CAPRIN1: variants seen among roughly 807,000 people sequenced by gnomAD.
CAPRIN1 encodes the protein cell cycle associated protein 1.
In CAPRIN1, 29 loss-of-function variants were observed where a neutral mutation model predicts 100.9. That is an observed-to-expected ratio of 0.29 (90% CI 0.21 to 0.39). The LOEUF is 0.39. Among genes scored for constraint, CAPRIN1 ranks in the 10% least tolerant of loss-of-function variants. CAPRIN1 has a pLI of 1.00. For missense variants in CAPRIN1, 795 were observed against 876.7 expected, an observed-to-expected ratio of 0.91 and a Z score of 1.18; for synonymous variants, 338 against 307.5, an observed-to-expected ratio of 1.10 and a Z score of -1.04.
In CAPRIN1 at chr11:34,079,910, T is replaced by TTGTTTTTTG. The variant is rs1352102221; in HGVS notation, c.826+146_826+147insGTTTTTTGT. On this transcript the variant is annotated intron_variant, in intron 7 of 18. Transcript: ENST00000341394. ...GAGACTTTAAGCATGACAAAGTTTT[T>TTGTTTTTTG]TTTTTTTTTTTTTTTTTTTTTTTTT... 8 of 1,580 alleles carry TTGTTTTTTG rather than the reference T, an allele frequency of 5.1e-3. 1 individual carries two copies. In the African/African-American group the frequency reaches 0.051, roughly 10 times the overall value. The allele number at this position is 1,580 out of a possible 1,614,324, so 0.1% of individuals were successfully genotyped here. A position where few individuals can be genotyped will look rare whatever the true frequency, so the allele number is the denominator to read the frequency against.
intron 9 of CAPRIN1, among the ~76,000 whole-genome samples, chr11:34,085,187 G>A (rs1281168754): frequency 6.6e-6 from 1 of 152,164 alleles, no homozygotes; most frequent in Non-Finnish European, 1.5e-5. Context: ...TTGCAGAGCA[G>A]GGAATTACTA....
chr11:34,097,067 G>A (rs1851381802), intron 16 of CAPRIN1, 129 bp from the exon 17 acceptor site: 1 of 675,580 alleles, frequency 1.5e-6, no homozygotes, highest in Non-Finnish European at 2.5e-6. Flanking sequence ...ATCAAGATAG[G>A]AAATTGGAGA....
intron 16 of CAPRIN1, 151 bp downstream of exon 16, chr11:34,096,824 T>C: frequency 1.6e-6 from 1 of 619,684 alleles, no homozygotes; most frequent in Non-Finnish European, 2.7e-6. Flanking sequence ...GTACAATTTG[T>C]GTATTTGGTA....
At chr11:34,082,699 T>TA in intron 7 of CAPRIN1, 126 bp from the exon 8 acceptor site, 2 of 695,940 alleles carry the variant, frequency 2.9e-6, no homozygotes, top group Non-Finnish European at 2.5e-6. Context: ...GGTTTACTCT[T>TA]ATTGTTAATA....
At chr11:34,073,595 C>T (rs59650719) in intron 4 of CAPRIN1, among the ~76,000 whole-genome samples, 15,468 of 151,854 alleles carry the variant, frequency 0.1, 860 homozygotes, top group African/African-American at 0.15. Context: ...GTCTAATTTT[C>T]TAATTTTTAG....
At chr11:34,053,691 T>A (rs1240168642) in intron 2 of CAPRIN1, 1 of 152,192 alleles carries the variant, frequency 6.6e-6, no homozygotes, top group Non-Finnish European at 1.5e-5. Flanking sequence ...CATCTGCAAG[T>A]CAGCCTTTTG....
intron 7 of CAPRIN1, among the ~76,000 whole-genome samples, chr11:34,081,686 CAG>C (rs1339105124): frequency 6.6e-6 from 1 of 151,696 alleles, no homozygotes; most frequent in Non-Finnish European, 1.5e-5. Flanking sequence ...TTAGTAGAGA[CAG>C]GGTTTCACCA....
intron 18 of CAPRIN1, chr11:34,098,392 T>G: frequency 1.0e-6 from 1 of 985,386 alleles, no homozygotes; most frequent in Non-Finnish European, 1.2e-6. Context: ...GTTTTTCTTT[T>G]ACTGTTGGAA....
rs975556275 is a variant in CAPRIN1, at chr11:34,099,583, G to A, written c.*216G>A. ...TTACTCTGCATGTTCTGTCCTAAGC[G>A]TCATCTTGAGCCTTGCACATGATAC... On this transcript the variant is annotated 3_prime_UTR_variant, in exon 19 of 19. Transcript: ENST00000341394. The A allele has an allele frequency of 2.9e-5, 16 of 559,906 alleles. No homozygotes were observed. Among genetic ancestry groups the A allele is most frequent in the Middle Eastern group, 4.7e-4 (1 of 2,124 alleles). 34.7% of individuals were successfully genotyped at this position (559,906 alleles called of 1,614,324 possible).
At chr11:34,063,413 T>C (rs1220312433) in intron 2 of CAPRIN1, 1 of 152,240 alleles carries the variant, frequency 6.6e-6, no homozygotes, top group Non-Finnish European at 1.5e-5. Flanking sequence ...GAAATATGAT[T>C]GATAGTAATG....
Position 34,102,014 on chromosome 11 carries a change from CTAA to C in CAPRIN1, c.*2652_*2654del, listed in dbSNP as rs1851461721. Among the ~76,000 whole-genome samples, 1 of 152,070 alleles carries C rather than the reference CTAA, an allele frequency of 6.6e-6. No individual in the cohort carries two copies. Among genetic ancestry groups the C allele is most frequent in the Non-Finnish European group, 1.5e-5 (1 of 67,990 alleles). ...ATTAGGGCAGTTTTATTTCCAGATCCTAATAATTCCTAAAAAATATGGAAAAGT... is the reference window on the plus strand; with the variant it reads ...ATTAGGGCAGTTTTATTTCCAGATCCTAATTCCTAAAAAATATGGAAAAGT... On this transcript the variant is annotated 3_prime_UTR_variant, in exon 19 of 19. Coordinates refer to ENST00000341394, the MANE Select transcript of CAPRIN1 (RefSeq NM_005898.5).
At chr11:34,093,766 AGCACAGGCCACCATGCCT>A (rs1301177374) in intron 15 of CAPRIN1, among the ~76,000 whole-genome samples, 1 of 149,310 alleles carries the variant, frequency 6.7e-6, no homozygotes, top group Non-Finnish European at 1.5e-5. Context: ...TCTCCCAAGT[AGCACAGGCCACCATGCCT>A]GGCTAATTTT....
chr11:34,089,597 T>G, intron 12 of CAPRIN1, 141 bp downstream of exon 12: 1 of 398,776 alleles, frequency 2.5e-6, no homozygotes. Flanking sequence ...CGAGACACCA[T>G]CTCTATTTTA....
intron 2 of CAPRIN1, chr11:34,056,601 A>G (rs1432101729): frequency 6.8e-6 from 1 of 147,492 alleles, no homozygotes; most frequent in Non-Finnish European, 1.5e-5. Context: ...TTAACTGCCT[A>G]GTTTTCTTTA....
At chr11:34,068,098 G>C (rs565745704) in intron 2 of CAPRIN1, among the ~76,000 whole-genome samples, 12 of 152,304 alleles carry the variant, frequency 7.9e-5, no homozygotes, top group African/African-American at 2.9e-4. Context: ...GGAAGACTAA[G>C]ACTTGTTCAT....
At chr11:34,081,652 C>G (rs1039235734) in intron 7 of CAPRIN1, among the ~76,000 whole-genome samples, 2 of 152,096 alleles carry the variant, frequency 1.3e-5, no homozygotes, top group Non-Finnish European at 2.9e-5. Context: ...TGGCACCACA[C>G]CTGACTCAGT....
At chr11:34,090,324 A>T (rs573883130) in intron 13 of CAPRIN1, 35 bp downstream of exon 13, 1 of 1,397,908 alleles carries the variant, frequency 7.2e-7, no homozygotes, top group Admixed American at 1.7e-5. Context: ...ACATTTGATG[A>T]GGCACTTACT....
intron 13 of CAPRIN1, 65 bp downstream of exon 13, chr11:34,090,354 C>A: frequency 8.0e-7 from 1 of 1,254,628 alleles, no homozygotes; most frequent in Non-Finnish European, 1.2e-6. Context: ...AACAGATGTA[C>A]ATTACCATTA....
In CAPRIN1 at chr11:34,099,711, T is replaced by C. The variant is rs1020904242; in HGVS notation, c.*344T>C. On this transcript the variant is annotated 3_prime_UTR_variant, in exon 19 of 19. Coordinates refer to ENST00000341394, the MANE Select transcript of CAPRIN1 (RefSeq NM_005898.5). ...GGCTTGAAAAAGGCAAGATTGACTT[T>C]TATGACATTGGATAAAATCTACAAA... 8.1e-5 allele frequency: 17 copies of C among 209,974 alleles called. No homozygotes were observed. The highest frequency in any genetic ancestry group is 1.1e-4 in the Admixed American group (2 of 17,600). 13.0% of individuals were successfully genotyped at this position (209,974 alleles called of 1,614,324 possible).
Sources: gnomAD v4.1 joint callset for allele counts (sites outside exome capture counted in the v4.1 genomes callset) on GRCh38, gnomAD v4.1.1 for gene constraint, MANE v1.5 for transcripts, NCBI Gene and HGNC (gene_info 2026-07-23, HGNC 2026-07-21) for gene names.